Variants in PRUNE2 observed in about 807,000 individuals in gnomAD.
The protein encoded by PRUNE2 is protein prune homolog 2.
PRUNE2 carries 164 observed loss-of-function variants against 252.0 expected under a neutral mutation model. The ratio of observed to expected loss-of-function variants is 0.65; its 90% CI spans 0.57 to 0.74. PRUNE2 has a LOEUF of 0.74. Among genes scored for constraint, PRUNE2 ranks in the 30% least tolerant of loss-of-function variants. The pLI is 0.00. For missense variants in PRUNE2, 3,495 were observed against 3,711.0 expected, an observed-to-expected ratio of 0.94 and a Z score of 1.51; for synonymous variants, 1,292 against 1,350.2, an observed-to-expected ratio of 0.96 and a Z score of 0.94.
chr9:76,622,035 T>C (rs1265268218), intron 17 of PRUNE2, among the ~76,000 whole-genome samples: 1 of 152,042 alleles, frequency 6.6e-6, no homozygotes, highest in African/African-American at 2.4e-5. Context: ...ATCAGAAACT[T>C]TGGGGGTGAG....
intron 4 of PRUNE2, among the ~76,000 whole-genome samples, chr9:76,829,375 C>A (rs934646075): frequency 6.6e-6 from 1 of 152,120 alleles, no homozygotes; most frequent in Non-Finnish European, 1.5e-5. Flanking sequence ...AAGTTTAGGG[C>A]CCTCTACAGA....
chr9:76,770,942 A>T (rs1353023698), intron 6 of PRUNE2, among the ~76,000 whole-genome samples: 1 of 152,186 alleles, frequency 6.6e-6, no homozygotes. Context: ...AAAAAGAAGA[A>T]TTAGTAATTG....
At chr9:76,682,030 G>A (rs2043495183) in intron 9 of PRUNE2, among the ~76,000 whole-genome samples, 1 of 152,080 alleles carries the variant, frequency 6.6e-6, no homozygotes, top group African/African-American at 2.4e-5. Flanking sequence ...AAGTGGCAAA[G>A]GCAGAGGAGG....
chr9:76,836,164 T>C (rs2058952633), intron 4 of PRUNE2, among the ~76,000 whole-genome samples: 1 of 151,802 alleles, frequency 6.6e-6, no homozygotes. Context: ...TTCAGCAATT[T>C]AATGGATCTT....
chr9:76,772,576 T>A (rs1268878795), intron 6 of PRUNE2, among the ~76,000 whole-genome samples: 2 of 152,174 alleles, frequency 1.3e-5, no homozygotes, highest in African/African-American at 4.8e-5. Flanking sequence ...TTTCTTTCTT[T>A]TTTTTAGAGA....
At chr9:76,628,194 G>C (rs1376679239) in intron 16 of PRUNE2, among the ~76,000 whole-genome samples, 1 of 151,880 alleles carries the variant, frequency 6.6e-6, no homozygotes, top group East Asian at 1.9e-4. Flanking sequence ...TTGCAACAAT[G>C]TACCAGATAC....
chr9:76,826,438 A>C, intron 5 of PRUNE2, 142 bp downstream of exon 5: 1 of 602,768 alleles, frequency 1.7e-6, no homozygotes. Context: ...ATGTTACTGC[A>C]CTCCAGCCTG....
At chr9:76,836,508 A>G (rs1450593972) in intron 4 of PRUNE2, among the ~76,000 whole-genome samples, 1 of 151,956 alleles carries the variant, frequency 6.6e-6, no homozygotes, top group Non-Finnish European at 1.5e-5. Context: ...TTTTCTTTCC[A>G]AAACTCAGGG....
At chr9:76,809,493 C>T (rs562744320) in intron 6 of PRUNE2, among the ~76,000 whole-genome samples, 3 of 152,262 alleles carry the variant, frequency 2.0e-5, no homozygotes, top group African/African-American at 7.2e-5. Flanking sequence ...GTCAAGAAAT[C>T]GAGACCATCC....
intron 1 of PRUNE2, among the ~76,000 whole-genome samples, chr9:76,869,955 A>G (rs973095538): frequency 2.0e-5 from 3 of 152,248 alleles, no homozygotes; most frequent in African/African-American, 4.8e-5. Context: ...AAGGGAGATC[A>G]TTAACTAAAT....
intron 9 of PRUNE2, among the ~76,000 whole-genome samples, chr9:76,666,856 G>A (rs537717723): frequency 6.6e-6 from 1 of 152,212 alleles, no homozygotes; most frequent in Admixed American, 6.5e-5. Context: ...AGATCAGCCT[G>A]ACCAACATGG....
chr9:76,648,315 G>A (rs995174027), intron 11 of PRUNE2, among the ~76,000 whole-genome samples: 1 of 152,044 alleles, frequency 6.6e-6, no homozygotes, highest in Non-Finnish European at 1.5e-5. Flanking sequence ...CATACTCCTT[G>A]GTAATTACCC....
At chr9:76,660,781 C>CAAAAAAAAAA (rs11432174) in intron 9 of PRUNE2, among the ~76,000 whole-genome samples, 10 of 100,978 alleles carry the variant, frequency 9.9e-5, no homozygotes, top group Non-Finnish European at 1.5e-4. Context: ...GACTCTGAAT[C>CAAAAAAAAAA]AAAAAAAAAA....
At position 76,906,058 on chromosome 9, in the gene PRUNE2, G is replaced by T; in HGVS notation, c.-95C>A. The T allele has an allele frequency of 7.2e-7, 1 of 1,382,198 alleles. No individual in the cohort carries two copies. Among genetic ancestry groups the T allele is most frequent in the Non-Finnish European group, 1.0e-6 (1 of 972,850 alleles). 85.6% of individuals were successfully genotyped at this position (1,382,198 alleles called of 1,614,324 possible). A position where few individuals can be genotyped will look rare whatever the true frequency, so the allele number is the denominator to read the frequency against. ...GAGCGGGGTCCCGGGAAAGTGGCCC[G>T]CCGGGGCGCAGCGACCGACTGCTCC... On this transcript the variant is annotated 5_prime_UTR_variant, in exon 1 of 19. Transcript: ENST00000376718.
At chr9:76,796,486 G>A (rs1176473410) in intron 6 of PRUNE2, among the ~76,000 whole-genome samples, 1 of 152,094 alleles carries the variant, frequency 6.6e-6, no homozygotes, top group Non-Finnish European at 1.5e-5. Context: ...ATTTTGGCAC[G>A]GCCCCCACCA....
chr9:76,777,333 T>C (rs12379174), intron 6 of PRUNE2, among the ~76,000 whole-genome samples: 26,806 of 151,938 alleles, frequency 0.18, 2,558 homozygotes, highest in African/African-American at 0.24. Context: ...AGAAAGAATA[T>C]AATAAGCACA....
At chr9:76,895,060 T>G (rs914320479) in intron 1 of PRUNE2, among the ~76,000 whole-genome samples, 2 of 151,744 alleles carry the variant, frequency 1.3e-5, no homozygotes, top group Non-Finnish European at 2.9e-5. Flanking sequence ...TGAATGGGCT[T>G]CCTTAAGAGG....
At chr9:76,889,231 T>A (rs912949809) in intron 1 of PRUNE2, among the ~76,000 whole-genome samples, 1 of 152,020 alleles carries the variant, frequency 6.6e-6, no homozygotes, top group Non-Finnish European at 1.5e-5. Flanking sequence ...GAGAAAAGCA[T>A]AAGGGATATG....
At chr9:76,692,929 T>A (rs1378251432) in intron 9 of PRUNE2, 3 of 151,722 alleles carry the variant, frequency 2.0e-5, no homozygotes. Context: ...TGAGCCGAGA[T>A]TGCATCGCTG....
Sources: allele counts gnomAD v4.1 joint callset (sites outside exome capture counted in the v4.1 genomes callset), GRCh38; gene constraint gnomAD v4.1.1; transcripts MANE v1.5; gene names NCBI Gene and HGNC (gene_info 2026-07-23, HGNC 2026-07-21).